Variants in HDAC9 observed in about 807,000 individuals in gnomAD.
The protein encoded by HDAC9 is MEF-2 interacting transcription repressor (MITR) protein.
In HDAC9, 41 loss-of-function variants were observed where a neutral mutation model predicts 139.4. The ratio of observed to expected loss-of-function variants is 0.29; its 90% confidence interval spans 0.23 to 0.38. The LOEUF (loss-of-function observed/expected upper bound fraction) is 0.38, where lower values mean the gene tolerates loss of function less well. Among genes scored for constraint, HDAC9 ranks in the 10% least tolerant of loss-of-function variants. The pLI is 1.00. For missense variants in HDAC9, 1,147 were observed against 1,297.0 expected, an observed-to-expected ratio of 0.88 and a Z score of 1.78; for synonymous variants, 517 against 476.2, an observed-to-expected ratio of 1.09 and a Z score of -1.12.
At chr7:18,980,652 A>T (rs1784844492) in intron 25 of HDAC9, among the ~76,000 whole-genome samples, 1 of 148,312 alleles carries the variant, frequency 6.7e-6, no homozygotes, top group Non-Finnish European at 1.5e-5. Context: ...TCGATTTGTT[A>T]CACTTTTTCT....
At chr7:18,679,054 G>C (rs965390896) in intron 12 of HDAC9, among the ~76,000 whole-genome samples, 29 of 151,862 alleles carry the variant, frequency 1.9e-4, no homozygotes, top group African/African-American at 4.8e-5. Context: ...GGAGAGAAAG[G>C]ATTGGATTTA....
At chr7:18,485,428 C>A (rs1161470185) in intron 1 of HDAC9, among the ~76,000 whole-genome samples, 1 of 150,504 alleles carries the variant, frequency 6.6e-6, no homozygotes, top group Non-Finnish European at 1.5e-5. Context: ...TCCATTCTAA[C>A]TTTTCATATT....
chr7:18,236,844 C>G (rs1326018262), intron 2 of HDAC9, among the ~76,000 whole-genome samples: 1 of 152,168 alleles, frequency 6.6e-6, no homozygotes, highest in Admixed American at 6.5e-5. Flanking sequence ...CTCTGGCCCC[C>G]TACCCCATGG....
At chr7:18,749,235 T>A in intron 14 of HDAC9, 97 bp downstream of exon 14, 1 of 1,229,538 alleles carries the variant, frequency 8.1e-7, no homozygotes, top group South Asian at 1.4e-5. Context: ...ATTAACCATA[T>A]AGTGCAAACA....
At chr7:18,209,099 T>C (rs1267409403) in intron 2 of HDAC9, among the ~76,000 whole-genome samples, 1 of 152,246 alleles carries the variant, frequency 6.6e-6, no homozygotes, top group Non-Finnish European at 1.5e-5. Flanking sequence ...TTTTGGTCTG[T>C]AATCTCCATA....
intron 22 of HDAC9, among the ~76,000 whole-genome samples, chr7:18,894,011 G>A (rs148265526): frequency 6.6e-6 from 1 of 152,278 alleles, no homozygotes; most frequent in African/African-American, 2.4e-5. Context: ...GTGGGGAAAA[G>A]TAGTCATAGT....
chr7:18,205,042 C>T (rs1161472713), intron 2 of HDAC9, among the ~76,000 whole-genome samples: 1 of 151,830 alleles, frequency 6.6e-6, no homozygotes, highest in Non-Finnish European at 1.5e-5. Flanking sequence ...TACATATATG[C>T]ACAAATACAC....
At position 18,999,994 on chromosome 7, in the gene HDAC9, G is replaced by T. The variant is rs1271005536; in HGVS notation, c.*3932G>T. The T allele has an allele frequency of 6.6e-6, 1 of 152,178 alleles. No homozygotes were observed. Among genetic ancestry groups the T allele is most frequent in the Non-Finnish European group, 1.5e-5 (1 of 68,042 alleles). The allele number at this position is 152,178 out of a possible 1,614,324, so 9.4% of individuals were successfully genotyped here. On this transcript the variant is annotated 3_prime_UTR_variant, in exon 26 of 26. Transcript: ENST00000686413. ...AACATTCTTTTCCTGCTTCAGGAAT[G>T]AAATCACTTGTCCTGCTGAGAAAAT...
At chr7:18,644,869 A>G in intron 9 of HDAC9, 76 bp downstream of exon 9, 1 of 1,468,786 alleles carries the variant, frequency 6.8e-7, no homozygotes, top group African/African-American at 1.4e-5. Flanking sequence ...TTCGTGTTTT[A>G]TGTATTTAGA....
chr7:18,419,907 T>C (rs1180064904), intron 1 of HDAC9, among the ~76,000 whole-genome samples: 1 of 152,176 alleles, frequency 6.6e-6, no homozygotes, highest in East Asian at 1.9e-4. Context: ...TTCCTGCACA[T>C]TGGGAAGAGT....
In HDAC9 at chr7:18,462,861, A is replaced by G. The variant is rs1040207062; in HGVS notation, c.-41-33401A>G. Among the ~76,000 whole-genome samples, 35 of 151,962 alleles carry G rather than the reference A, an allele frequency of 2.3e-4. 1 individual carries two copies. The highest frequency in any genetic ancestry group is 1.2e-4 in the Non-Finnish European group (8 of 67,904). On this transcript the variant is annotated intron_variant, in intron 1 of 3. Coordinates refer to the HDAC9 transcript ENST00000413509. ...TTTATTATTGCTGTTTTTCCTATGC[A>G]TAGGGAAAACTTTATATGCCATTAA...
chr7:18,250,102 A>ACCATAC (rs1794823503), intron 2 of HDAC9, among the ~76,000 whole-genome samples: 1 of 152,126 alleles, frequency 6.6e-6, no homozygotes, highest in Non-Finnish European at 1.5e-5. Context: ...AGGAAGGAAA[A>ACCATAC]CCATACCTTA....
chr7:18,996,199 TG>T lies in HDAC9; in HGVS notation c.*138del, dbSNP rs888326909. The stretch of plus-strand genomic sequence containing the variant: ...AACATAAACACTGGGCACAAAATTC[TG>T]AACAGCAGCTTCACTTGTTCTTTGG... On this transcript the variant is annotated 3_prime_UTR_variant, in exon 26 of 26. Transcript: ENST00000686413. 1.7e-6 allele frequency: 1 copy of T among 580,826 alleles called. No individual in the cohort carries two copies. The highest frequency in any genetic ancestry group is 3.1e-6 in the Non-Finnish European group (1 of 325,006). The allele number at this position is 580,826 out of a possible 1,614,324, so 36.0% of individuals were successfully genotyped here. A position where few individuals can be genotyped will look rare whatever the true frequency, so the allele number is the denominator to read the frequency against.
At chr7:18,718,317 C>T (rs1784865672) in intron 12 of HDAC9, among the ~76,000 whole-genome samples, 1 of 152,152 alleles carries the variant, frequency 6.6e-6, no homozygotes, top group African/African-American at 2.4e-5. Flanking sequence ...CTGCAATCTC[C>T]GCCTTCCAGG....
intron 2 of HDAC9, among the ~76,000 whole-genome samples, chr7:18,501,772 G>T (rs537138774): frequency 1.3e-5 from 2 of 151,936 alleles, no homozygotes; most frequent in African/African-American, 4.8e-5. Flanking sequence ...TTTATAATAG[G>T]CATGTATTCT....
chr7:18,335,294 C>T (rs552866019), intron 1 of HDAC9, among the ~76,000 whole-genome samples: 2 of 151,612 alleles, frequency 1.3e-5, no homozygotes, highest in Admixed American at 1.3e-4. Flanking sequence ...TTAGCAATAG[C>T]TGCAGAGAGA....
intron 2 of HDAC9, among the ~76,000 whole-genome samples, chr7:18,528,437 ATGAATTATC>A (rs1807680373): frequency 6.6e-6 from 1 of 152,148 alleles, no homozygotes. Flanking sequence ...AGGAAATGGA[ATGAATTATC>A]TTCTGGGTTT....
chr7:18,896,384 A>G (rs992241233), intron 22 of HDAC9, among the ~76,000 whole-genome samples: 2 of 152,136 alleles, frequency 1.3e-5, no homozygotes, highest in African/African-American at 4.8e-5. Context: ...TTGGTCAGGC[A>G]GGATTCATTC....
intron 13 of HDAC9, among the ~76,000 whole-genome samples, chr7:18,736,310 G>A (rs1786889905): frequency 6.6e-6 from 1 of 152,174 alleles, no homozygotes; most frequent in Non-Finnish European, 1.5e-5. Context: ...CTTGTCTTGT[G>A]CTGGTTTTCA....
Sources: allele counts gnomAD v4.1 joint callset (sites outside exome capture counted in the v4.1 genomes callset), GRCh38; gene constraint gnomAD v4.1.1; transcripts MANE v1.5; gene names NCBI Gene and HGNC (gene_info 2026-07-23, HGNC 2026-07-21).